The following CCDC178 variants were observed in gnomAD, a reference collection of about 807,000 sequenced individuals.
CCDC178 encodes coiled-coil domain-containing protein 178.
CCDC178 carries 126 observed loss-of-function variants against 117.4 expected under a neutral mutation model. That is an observed-to-expected ratio of 1.07 (90% CI 0.93 to 1.24). The LOEUF (loss-of-function observed/expected upper bound fraction) is 1.24, where lower values mean the gene tolerates loss of function less well. Ranked by LOEUF, CCDC178 falls within the 50% of genes most tolerant of loss-of-function variation. The pLI is 0.00. For missense variants in CCDC178, 1,030 were observed against 986.9 expected, an observed-to-expected ratio of 1.04 and a Z score of -0.59; for synonymous variants, 283 against 313.4, an observed-to-expected ratio of 0.90 and a Z score of 1.02.
chr18:33,225,693 G>A (rs1446883483), intron 16 of CCDC178, among the ~76,000 whole-genome samples: 3 of 152,162 alleles, frequency 2.0e-5, no homozygotes, highest in South Asian at 2.1e-4. Flanking sequence ...GGTCTTTCCA[G>A]TTAGACACTT....
At chr18:33,303,832 G>A (rs2062212681) in intron 11 of CCDC178, among the ~76,000 whole-genome samples, 2 of 152,106 alleles carry the variant, frequency 1.3e-5, no homozygotes, top group African/African-American at 2.4e-5. Context: ...AGGAAATTGG[G>A]AGGAAGCAGT....
intron 11 of CCDC178, among the ~76,000 whole-genome samples, chr18:33,306,304 G>A (rs2062247011): frequency 1.3e-5 from 2 of 151,648 alleles, no homozygotes; most frequent in South Asian, 4.2e-4. Context: ...ACTGGAACAG[G>A]TTCCAATTTT....
At chr18:33,358,691 A>G (rs1374327830) in intron 6 of CCDC178, among the ~76,000 whole-genome samples, 2 of 151,934 alleles carry the variant, frequency 1.3e-5, no homozygotes, top group Non-Finnish European at 2.9e-5. Flanking sequence ...CTATAAAGTA[A>G]AACTGTTATA....
intron 21 of CCDC178, among the ~76,000 whole-genome samples, chr18:33,019,708 ACT>A (rs143350373): frequency 0.014 from 2,129 of 152,164 alleles, 48 homozygotes; most frequent in African/African-American, 0.048. Flanking sequence ...GGAAACTGAG[ACT>A]CAAGGTGGAT....
At chr18:33,118,204 G>T (rs1455739974) in intron 20 of CCDC178, among the ~76,000 whole-genome samples, 1 of 151,996 alleles carries the variant, frequency 6.6e-6, no homozygotes, top group East Asian at 1.9e-4. Context: ...GGCCTTTTGA[G>T]CACTCAGTTA....
chr18:33,295,499 G>A (rs2062095832), intron 11 of CCDC178, among the ~76,000 whole-genome samples: 1 of 151,904 alleles, frequency 6.6e-6, no homozygotes, highest in South Asian at 2.1e-4. Context: ...AAGACAAAAA[G>A]ACAAGACTTT....
intron 20 of CCDC178, among the ~76,000 whole-genome samples, chr18:33,189,348 T>G (rs1417369708): frequency 6.6e-6 from 1 of 152,146 alleles, no homozygotes; most frequent in Non-Finnish European, 1.5e-5. Context: ...GATGACCAGT[T>G]GCAGAAACAA....
chr18:33,146,769 C>A (rs1355904776), intron 20 of CCDC178, among the ~76,000 whole-genome samples: 1 of 152,114 alleles, frequency 6.6e-6, no homozygotes, highest in Non-Finnish European at 1.5e-5. Context: ...TATAGAGAAG[C>A]ATAAGATATG....
intron 20 of CCDC178, among the ~76,000 whole-genome samples, chr18:33,095,123 G>A (rs2057523303): frequency 6.6e-6 from 1 of 151,708 alleles, no homozygotes; most frequent in African/African-American, 2.4e-5. Flanking sequence ...AAGGATAACT[G>A]GAATGTAGAA....
At chr18:32,988,137 C>T (rs886098992) in intron 21 of CCDC178, among the ~76,000 whole-genome samples, 10 of 145,742 alleles carry the variant, frequency 6.9e-5, no homozygotes, top group Non-Finnish European at 1.2e-4. Flanking sequence ...CAAAATTAAT[C>T]ATAAAAAGTT....
rs2057961916 is a variant in CCDC178 at position 33,123,330 on chromosome 18, A to T, written c.2239-30420T>A. Among the ~76,000 whole-genome samples the T allele has an allele frequency of 1.3e-5, 2 of 152,144 alleles. 1 individual carries two copies. The highest frequency in any genetic ancestry group is 4.1e-4 in the South Asian group (2 of 4,824). On this transcript the variant is annotated intron_variant, in intron 20 of 22. Coordinates refer to ENST00000383096, the MANE Select transcript of CCDC178 (RefSeq NM_001105528.4). ...AAGATGCTTAAGATGATTTGCATAA[A>T]ATGAGAGTAATGAGGGCCTTTACTA...
intron 2 of CCDC178, among the ~76,000 whole-genome samples, chr18:33,424,136 T>G (rs1027761297): frequency 1.3e-5 from 2 of 152,208 alleles, no homozygotes; most frequent in African/African-American, 2.4e-5. Context: ...CTTCCAGTAA[T>G]TATAAAGATC....
chr18:33,400,026 A>G (rs1397696388), intron 3 of CCDC178, among the ~76,000 whole-genome samples: 4 of 152,080 alleles, frequency 2.6e-5, no homozygotes, highest in Admixed American at 2.6e-4. Flanking sequence ...TGAAAACATT[A>G]ATCTACTCGT....
At chr18:33,234,426 A>C (rs1195831521) in intron 15 of CCDC178, among the ~76,000 whole-genome samples, 1 of 152,112 alleles carries the variant, frequency 6.6e-6, no homozygotes, top group Non-Finnish European at 1.5e-5. Flanking sequence ...CAATGAAACA[A>C]GCAAAAAAAT....
At chr18:33,343,868 GACT>G (rs1270304354) in intron 9 of CCDC178, among the ~76,000 whole-genome samples, 1 of 151,986 alleles carries the variant, frequency 6.6e-6, no homozygotes, top group Non-Finnish European at 1.5e-5. Flanking sequence ...AGAATCTAAA[GACT>G]ATAAAAATAT....
At chr18:33,328,139 G>A (rs1366682268) in intron 10 of CCDC178, 6 of 239,990 alleles carry the variant, frequency 2.5e-5, no homozygotes, top group South Asian at 1.6e-4. Flanking sequence ...GTCTTGCTCT[G>A]TTGCCAGGCT....
intron 20 of CCDC178, among the ~76,000 whole-genome samples, chr18:33,110,185 T>C (rs1190012342): frequency 2.0e-5 from 3 of 151,598 alleles, no homozygotes; most frequent in African/African-American, 4.8e-5. Context: ...TATCGGACAT[T>C]TGTATAGCTC....
At chr18:33,169,608 G>T (rs746497657) in intron 20 of CCDC178, among the ~76,000 whole-genome samples, 2 of 152,110 alleles carry the variant, frequency 1.3e-5, no homozygotes, top group Non-Finnish European at 2.9e-5. Context: ...AATATCATGA[G>T]CTTTTATATT....
At chr18:33,070,517 G>T (rs2057089896) in intron 21 of CCDC178, among the ~76,000 whole-genome samples, 1 of 151,702 alleles carries the variant, frequency 6.6e-6, no homozygotes, top group Admixed American at 6.6e-5. Flanking sequence ...AGGATGGAAA[G>T]GGTGAAGGTG....
Sources: allele counts gnomAD v4.1 joint callset (sites outside exome capture counted in the v4.1 genomes callset), GRCh38; gene constraint gnomAD v4.1.1; transcripts MANE v1.5; gene names NCBI Gene and HGNC (gene_info 2026-07-23, HGNC 2026-07-21).